Variants in NKTR observed in about 807,000 individuals in gnomAD.
NKTR encodes natural killer cell triggering receptor.
In NKTR, 67 loss-of-function variants were observed where a neutral mutation model predicts 156.3. The observed-to-expected ratio is 0.43, with a 90% confidence interval of 0.35 to 0.53. The LOEUF (loss-of-function observed/expected upper bound fraction) is 0.53. Ranked by LOEUF, NKTR falls within the 20% of genes least tolerant of loss-of-function variation. The probability of loss-of-function intolerance (pLI) is 0.01; values close to 1 mark genes in which losing one functional copy is unlikely to be tolerated. For synonymous variants in NKTR, 640 were observed against 596.6 expected (o/e 1.07, Z -1.06); for missense variants, 1,604 against 1,730.9 (o/e 0.93, Z 1.30).
intron 2 of NKTR, among the ~76,000 whole-genome samples, chr3:42,612,676 T>C (rs562085097): frequency 6.6e-6 from 1 of 152,316 alleles, no homozygotes; most frequent in East Asian, 1.9e-4. Flanking sequence ...ATAAAATGTA[T>C]TTCCTTTGCT....
At chr3:42,607,799 GT>G (rs1161635473) in intron 2 of NKTR, among the ~76,000 whole-genome samples, 2 of 151,750 alleles carry the variant, frequency 1.3e-5, no homozygotes, top group Admixed American at 6.6e-5. Context: ...ATTATGAGGA[GT>G]TTTTTCCCAC....
Position 42,638,034 on chromosome 3 carries a change from C to G in NKTR, c.2330C>G (p.Ser777Cys). Residue 777 changes from serine to cysteine, a missense_variant, in exon 13 of 17, where the codon TCT (serine) becomes TGT (cysteine). By Grantham distance (112) the Ser-to-Cys change is moderately radical (BLOSUM62 -1). Transcript: ENST00000232978. ...TCACATAAAAAGCATAGCAGCAGCT[C>G]TGAAAAGACACTTCACAGTAAATAT... ...SVSHKKHSSS[S>C]EKTLHSKYVK... 6.2e-7 allele frequency: 1 copy of G among 1,614,144 alleles called. No homozygotes were observed. The highest frequency in any genetic ancestry group is 8.5e-7 in the Non-Finnish European group (1 of 1,180,028).
At chr3:42,617,054 G>A (rs1707439450) in intron 2 of NKTR, among the ~76,000 whole-genome samples, 3 of 152,162 alleles carry the variant, frequency 2.0e-5, no homozygotes, top group Non-Finnish European at 4.4e-5. Context: ...ACCATGCCCA[G>A]CTTAAAATGT....
Position 42,637,693 on chromosome 3 carries a change from C to T in NKTR, c.1989C>T (p.Ser663=), listed in dbSNP as rs754376731. 2 of 1,613,982 alleles carry T rather than the reference C, an allele frequency of 1.2e-6. No homozygotes were observed. Among genetic ancestry groups the T allele is most frequent in the Non-Finnish European group, 1.7e-6 (2 of 1,179,980 alleles). Residue 663 remains serine (S), a synonymous_variant, in exon 13 of 17, where the codon TCC becomes TCT. Transcript: ENST00000232978. Reference sequence around the variant, plus strand: ...TTAAAGAGACTGGTAGCTCATCATCCTACCATAAAAGAGAAAAAAATTCGG... The same window carrying T: ...TTAAAGAGACTGGTAGCTCATCATCTTACCATAAAAGAGAAAAAAATTCGG... ...ANIKETGSSS[S]YHKREKNSES...
At chr3:42,631,544 C>T (rs1481662799) in intron 8 of NKTR, among the ~76,000 whole-genome samples, 1 of 152,202 alleles carries the variant, frequency 6.6e-6, no homozygotes, top group Non-Finnish European at 1.5e-5. Context: ...TGGATTATTG[C>T]CGTAGCGTCG....
At position 42,601,006 on chromosome 3, in the gene NKTR, G is replaced by C. The variant is rs773657695; in HGVS notation, c.-1G>C. On this transcript the variant is annotated 5_prime_UTR_variant, in exon 2 of 17. Transcript: ENST00000232978. ...CAGCTCTTGCCGCCACCTCGGTCGC[G>C]ATGGGGGCGCAGGACCGGCCGCAGT... 1.3e-5 allele frequency: 21 copies of C among 1,566,934 alleles called. No homozygotes were observed. In the African/African-American group the frequency reaches 2.6e-4, roughly 20 times the overall value.
chr3:42,630,006 G>A, intron 6 of NKTR: 1 of 985,364 alleles, frequency 1.0e-6, no homozygotes. Flanking sequence ...AAGGAAGATG[G>A]GCAGGAATTC....
intron 5 of NKTR, chr3:42,620,268 TC>T: frequency 8.0e-7 from 1 of 1,244,354 alleles, no homozygotes; most frequent in Admixed American, 4.0e-5. Flanking sequence ...GGGTTTTTTT[TC>T]CCCTAAACCA....
intron 5 of NKTR, 78 bp downstream of exon 5, chr3:42,619,786 G>T (rs1286396784): frequency 2.5e-6 from 4 of 1,573,654 alleles, no homozygotes; most frequent in Admixed American, 1.9e-5. Flanking sequence ...TTAATGAGAA[G>T]AGGTTTACTT....
intron 15 of NKTR, 155 bp from the exon 16 acceptor site, chr3:42,643,747 T>A: frequency 1.4e-6 from 1 of 690,286 alleles, no homozygotes; most frequent in South Asian, 1.6e-5. Context: ...GGGCAATTGT[T>A]AAATGTTTCC....
rs987648476 is a variant in NKTR at position 42,646,715 on chromosome 3, T to A, written c.*740T>A. 6.5e-6 allele frequency: 1 copy of A among 152,688 alleles called. No homozygotes were observed. Among genetic ancestry groups the A allele is most frequent in the Non-Finnish European group, 1.5e-5 (1 of 68,052 alleles). The allele number at this position is 152,688 out of a possible 1,614,324, so 9.5% of individuals were successfully genotyped here. A position where few individuals can be genotyped will look rare whatever the true frequency, so the allele number is the denominator to read the frequency against. ...TTTAGGTTATAAAAACAATTCTACT[T>A]CATGCTTTGGTGCTTGGTAATTTTT... On this transcript the variant is annotated 3_prime_UTR_variant, in exon 17 of 17. Transcript: ENST00000232978.
intron 2 of NKTR, among the ~76,000 whole-genome samples, chr3:42,604,293 C>G (rs1002914294): frequency 6.6e-6 from 1 of 151,670 alleles, no homozygotes; most frequent in Non-Finnish European, 1.5e-5. Flanking sequence ...TTTCATTGTT[C>G]TCTTTCTTTC....
intron 2 of NKTR, among the ~76,000 whole-genome samples, chr3:42,615,732 G>A (rs6441928): frequency 6.6e-6 from 1 of 151,968 alleles, no homozygotes; most frequent in Non-Finnish European, 1.5e-5. Flanking sequence ...TATGCAAAGC[G>A]GGATGATTTT....
intron 6 of NKTR, chr3:42,630,307 C>A: frequency 7.7e-7 from 1 of 1,296,672 alleles, no homozygotes. Context: ...TGTATGCATA[C>A]ATATAGTCTA....
Position 42,638,601 on chromosome 3 carries a change from A to G in NKTR, c.2897A>G (p.Asn966Ser), listed in dbSNP as rs1209395858. ...TCTGACTCTGAGGGGTCCTGTTCCA[A>G]TTCGGAAAACAATAGGGGAAAGCCA... ...STSDSEGSCS[N>S]SENNRGKPQK... Residue 966 changes from asparagine (N) to serine (S), a missense_variant, in exon 13 of 17, where the codon AAT (asparagine) becomes AGT (serine). Transcript: ENST00000232978. The G allele has an allele frequency of 4.3e-6, 7 of 1,613,894 alleles. No homozygotes were observed. The highest frequency in any genetic ancestry group is 1.7e-5 in the Admixed American group (1 of 59,966).
At chr3:42,603,561 T>G (rs1559546549) in intron 2 of NKTR, among the ~76,000 whole-genome samples, 2 of 152,084 alleles carry the variant, frequency 1.3e-5, no homozygotes, top group South Asian at 2.1e-4. Flanking sequence ...GTGATAGATG[T>G]GTAGATGTGA....
rs1035526740 is a variant in NKTR, at chr3:42,643,821, C to T, written c.4200-81C>T. ...AGTGCCCATGTTCTAAGCTAGAACA[C>T]TCCTGAGATCCTAAAAAGAAATAGG... is the stretch of plus-strand genomic sequence containing the variant. On this transcript the variant is annotated intron_variant, in intron 15 of 16. Coordinates refer to ENST00000232978, the MANE Select transcript of NKTR (RefSeq NM_005385.4). 5.2e-6 allele frequency: 5 copies of T among 968,120 alleles called. No homozygotes were observed. The African/African-American group carries it at 8.1e-5, about 16-fold the overall frequency. The allele number at this position is 968,120 out of a possible 1,614,324, so 60.0% of individuals were successfully genotyped here. A position where few individuals can be genotyped will look rare whatever the true frequency, so the allele number is the denominator to read the frequency against.
chr3:42,644,741 C>T (rs1277423477), intron 16 of NKTR, among the ~76,000 whole-genome samples: 1 of 152,124 alleles, frequency 6.6e-6, no homozygotes, highest in African/African-American at 2.4e-5. Flanking sequence ...ACACACGTGT[C>T]CTCTTCACCA....
chr3:42,620,131 G>A (rs1707772752), intron 5 of NKTR: 3 of 1,463,630 alleles, frequency 2.0e-6, no homozygotes, highest in African/African-American at 1.4e-5. Flanking sequence ...GGGTCAGGTT[G>A]TGGCTGGATT....
Sources: allele counts gnomAD v4.1 joint callset (sites outside exome capture counted in the v4.1 genomes callset), GRCh38; gene constraint gnomAD v4.1.1; transcripts MANE v1.5; gene names NCBI Gene and HGNC (gene_info 2026-07-23, HGNC 2026-07-21).